The following PCM1 variants were observed in gnomAD, a reference collection of about 807,000 sequenced individuals.
PCM1 encodes the protein pericentriolar material 1 protein.
A neutral mutation model predicts 241.9 loss-of-function variants in PCM1; 157 were observed. The ratio of observed to expected loss-of-function variants is 0.65; its 90% confidence interval spans 0.57 to 0.74. The LOEUF (loss-of-function observed/expected upper bound fraction) is 0.74. Among genes scored for constraint, PCM1 ranks in the 30% least tolerant of loss-of-function variants. The probability of loss-of-function intolerance (pLI) is 0.00; values close to 1 mark genes in which losing one functional copy is unlikely to be tolerated. For missense variants in PCM1, 3,478 were observed against 2,360.1 expected, an observed-to-expected ratio of 1.47 and a Z score of -9.81; for synonymous variants, 1,085 against 784.9, an observed-to-expected ratio of 1.38 and a Z score of -6.39.
At chr8:17,993,755 C>G in intron 29 of PCM1, 136 bp downstream of exon 29, 1 of 625,962 alleles carries the variant, frequency 1.6e-6, no homozygotes, top group Admixed American at 3.6e-5. Flanking sequence ...ATTTTTTCAC[C>G]CTACCAACAT....
chr8:17,939,893 T>G, intron 6 of PCM1, 32 bp downstream of exon 6: 1 of 1,320,072 alleles, frequency 7.6e-7, no homozygotes, highest in Non-Finnish European at 1.0e-6. Context: ...TAACATATTA[T>G]TTTTGTAGTA....
Position 17,938,827 on chromosome 8 carries a change from T to C in PCM1, c.430T>C (p.Leu144=). The C allele has an allele frequency of 1.2e-6, 2 of 1,613,656 alleles. No individual in the cohort carries two copies. Among genetic ancestry groups the C allele is most frequent in the African/African-American group, 1.3e-5 (1 of 75,070 alleles). Residue 144 remains leucine, a synonymous_variant, in exon 5 of 39, where the codon TTG becomes CTG. Coordinates refer to ENST00000325083, the MANE Select transcript of PCM1 (RefSeq NM_006197.4). ...LSENRKPFNF[L]PMQINTNKSK... ...TGAAAACCGAAAGCCCTTCAACTTTTTGCCTATGCAGATTAATACTAACAA... is the reference window on the plus strand; with the variant it reads ...TGAAAACCGAAAGCCCTTCAACTTTCTGCCTATGCAGATTAATACTAACAA...
intron 6 of PCM1, among the ~76,000 whole-genome samples, chr8:17,942,366 C>A (rs1452415551): frequency 6.6e-6 from 1 of 151,862 alleles, no homozygotes; most frequent in Non-Finnish European, 1.5e-5. Flanking sequence ...ACTCAGGAGG[C>A]TGAGGCAGGA....
At chr8:18,008,101 C>G (rs1241108798) in intron 30 of PCM1, among the ~76,000 whole-genome samples, 2 of 152,166 alleles carry the variant, frequency 1.3e-5, no homozygotes, top group Non-Finnish European at 2.9e-5. Flanking sequence ...AGTTTGGGAT[C>G]ATTTATATCA....
In PCM1 at chr8:17,939,809, A is replaced by G; in HGVS notation, c.731A>G (p.Asp244Gly). The G allele has an allele frequency of 6.5e-7, 1 of 1,538,254 alleles. No homozygotes were observed. Among genetic ancestry groups the G allele is most frequent in the Non-Finnish European group, 8.8e-7 (1 of 1,132,136 alleles). The change falls in exon 6 of 39, where the codon GAT (aspartate) becomes GGT (glycine). Residue 244 changes from aspartate (D) to glycine (G), a missense_variant. Transcript: ENST00000325083. The part of the protein sequence containing the change: ...ANVERLTHLI[D>G]HLKEQEKSYM... ...GTTGAGCGCCTTACTCATCTAATAG[A>G]TCACCTTAAAGAACAAGAGAAGTCA...
At chr8:17,940,568 G>A (rs530191336) in intron 6 of PCM1, among the ~76,000 whole-genome samples, 7 of 152,288 alleles carry the variant, frequency 4.6e-5, no homozygotes, top group Middle Eastern at 3.4e-3. Context: ...CTGAGGACAC[G>A]TTAAGGATAT....
chr8:17,985,771 C>G (rs987021142), intron 25 of PCM1, among the ~76,000 whole-genome samples, 152 bp downstream of exon 25: 3 of 151,658 alleles, frequency 2.0e-5, no homozygotes, highest in Non-Finnish European at 4.4e-5. Context: ...TTTTGTATAG[C>G]TTAAGTAGCA....
intron 15 of PCM1, among the ~76,000 whole-genome samples, chr8:17,961,005 T>A (rs2071625934): frequency 6.6e-6 from 1 of 152,110 alleles, no homozygotes; most frequent in Non-Finnish European, 1.5e-5. Flanking sequence ...CTCATAACTG[T>A]TTATTATGTT....
Position 17,957,613 on chromosome 8 carries a change from A to C in PCM1, c.1878A>C (p.Glu626Asp), listed in dbSNP as rs775040406. Reference sequence around the variant, plus strand: ...GTGAAGATGATGAGGAGGAGGAGGAAGAAGCAGAAGAGGAGGGAGTCAGTG... The same window carrying C: ...GTGAAGATGATGAGGAGGAGGAGGACGAAGCAGAAGAGGAGGGAGTCAGTG... ...AQGEDDEEEE[E>D]EAEEEGVSGA... Residue 626 changes from glutamate to aspartate, a missense_variant, in exon 13 of 39, where the codon GAA becomes GAC. Coordinates refer to ENST00000325083, the MANE Select transcript of PCM1 (RefSeq NM_006197.4). 1.3e-6 allele frequency: 2 copies of C among 1,577,406 alleles called. No homozygotes were observed. Among genetic ancestry groups the C allele is most frequent in the South Asian group, 2.3e-5 (2 of 87,460 alleles).
At chr8:17,944,487 C>T (rs1014622202) in intron 6 of PCM1, among the ~76,000 whole-genome samples, 1 of 152,052 alleles carries the variant, frequency 6.6e-6, no homozygotes, top group African/African-American at 2.4e-5. Context: ...TGAGGGTTCT[C>T]TGAAATTGGA....
chr8:18,005,436 C>A (rs921528275), intron 29 of PCM1, among the ~76,000 whole-genome samples: 1 of 150,050 alleles, frequency 6.7e-6, no homozygotes, highest in African/African-American at 2.4e-5. Flanking sequence ...GGACCTTGAA[C>A]ATCTAGTTTG....
chr8:17,952,317 A>G (rs2066377764), intron 8 of PCM1, among the ~76,000 whole-genome samples: 1 of 152,248 alleles, frequency 6.6e-6, no homozygotes, highest in African/African-American at 2.4e-5. Flanking sequence ...GTTAAAGTTT[A>G]CAGTGGTAGT....
chr8:17,985,684 G>C, intron 25 of PCM1, 65 bp downstream of exon 25: 1 of 1,265,824 alleles, frequency 7.9e-7, no homozygotes, highest in Non-Finnish European at 1.1e-6. Context: ...ATCTCTGGTT[G>C]CTGTCTTAGA....
chr8:17,939,853 A>G lies in PCM1; in HGVS notation c.775A>G (p.Lys259Glu), dbSNP rs1356116392. The part of the protein sequence containing the change: ...QEKSYMKFLK[K>E]ILARDPQQEP... Reference sequence around the variant, plus strand: ...GAAGTCATATATGAAATTTCTTAAAAAAATCCTTGTAAGTATTCGACTTTT... The same window carrying G: ...GAAGTCATATATGAAATTTCTTAAAGAAATCCTTGTAAGTATTCGACTTTT... The change falls in exon 6 of 39, where the codon AAA (lysine) becomes GAA (glutamate). Residue 259 changes from lysine (K) to glutamate (E), a missense_variant. Coordinates refer to ENST00000325083, the MANE Select transcript of PCM1 (RefSeq NM_006197.4). 6.8e-7 allele frequency: 1 copy of G among 1,481,146 alleles called. No homozygotes were observed. The highest frequency in any genetic ancestry group is 2.1e-5 in the Admixed American group (1 of 47,624). 91.8% of individuals were successfully genotyped at this position (1,481,146 alleles called of 1,614,324 possible).
intron 36 of PCM1, among the ~76,000 whole-genome samples, chr8:18,020,722 C>G (rs1019952170): frequency 6.6e-6 from 1 of 152,196 alleles, no homozygotes; most frequent in African/African-American, 2.4e-5. Context: ...CAGTTTAAGT[C>G]AGGACAACCC....
chr8:18,006,312 G>A lies in PCM1; in HGVS notation c.4877G>A (p.Arg1626His), dbSNP rs376487428. Reference sequence around the variant, plus strand: ...TCGCAGCTTCTAACTTCAGTAAGGCGCATGGTTTTGACCCTTACCCAGCAA... The same window carrying A: ...TCGCAGCTTCTAACTTCAGTAAGGCACATGGTTTTGACCCTTACCCAGCAA... ...CSSQLLTSVRRMVLTLTQQND... is the reference protein window; with the variant it reads ...CSSQLLTSVRHMVLTLTQQND... The change falls in exon 30 of 39, where the codon CGC becomes CAC. Residue 1626 changes from arginine (R) to histidine (H), a missense_variant. By Grantham distance (29) the Arg-to-His change is conservative. Transcript: ENST00000325083. 32 of 1,611,126 alleles carry A rather than the reference G, an allele frequency of 2.0e-5. No individual in the cohort carries two copies. Among genetic ancestry groups the A allele is most frequent in the East Asian group, 1.3e-4 (6 of 44,850 alleles).
At chr8:17,941,655 A>G (rs879920654) in intron 6 of PCM1, among the ~76,000 whole-genome samples, 1 of 152,182 alleles carries the variant, frequency 6.6e-6, no homozygotes, top group African/African-American at 2.4e-5. Flanking sequence ...AGGAGGAGGC[A>G]TCTTTTAGTC....
At chr8:18,016,089 C>T (rs1324158131) in intron 36 of PCM1, among the ~76,000 whole-genome samples, 5 of 152,150 alleles carry the variant, frequency 3.3e-5, no homozygotes, top group African/African-American at 7.2e-5. Flanking sequence ...AGGGTTTCAC[C>T]GTGTTAGCCA....
At chr8:17,993,272 C>A (rs986493751) in intron 28 of PCM1, among the ~76,000 whole-genome samples, 1 of 151,862 alleles carries the variant, frequency 6.6e-6, no homozygotes, top group African/African-American at 2.4e-5. Context: ...AATAATAATT[C>A]TATGTAAAAA....
Sources: gnomAD v4.1 joint callset for allele counts (sites outside exome capture counted in the v4.1 genomes callset) on GRCh38, gnomAD v4.1.1 for gene constraint, MANE v1.5 for transcripts, NCBI Gene and HGNC (gene_info 2026-07-23, HGNC 2026-07-21) for gene names.